The following JMJD6 variants were observed in gnomAD, a reference collection of about 807,000 sequenced individuals.
The protein encoded by JMJD6 is bifunctional arginine demethylase and lysyl-hydroxylase JMJD6.
A neutral mutation model predicts 45.8 loss-of-function variants in JMJD6; 17 were observed. The ratio of observed to expected loss-of-function variants is 0.37; its 90% CI spans 0.25 to 0.56. JMJD6 has a LOEUF of 0.56. JMJD6 is among the 20% of genes least tolerant of loss of function. JMJD6 has a pLI of 0.79. For synonymous variants in JMJD6, 221 were observed against 196.3 expected (o/e 1.13, Z -1.05); for missense variants, 470 against 517.5 (o/e 0.91, Z 0.89).
At chr17:76,722,743 G>C (rs528252729) in intron 3 of JMJD6, among the ~76,000 whole-genome samples, 1 of 150,466 alleles carries the variant, frequency 6.6e-6, no homozygotes, top group Non-Finnish European at 1.5e-5. Flanking sequence ...CTACTTGGGA[G>C]GCTGAGACAA....
rs2076865625 is a variant in JMJD6, at chr17:76,724,155, C to G, written c.519-97G>C. ...TTAGTTTTTCTTTGAGAGTCTTGCT[C>G]TATCACCCAGGCTGGAATGCAGTGG... On this transcript the variant is annotated intron_variant, in intron 2 of 5. Transcript: ENST00000397625. The G allele has an allele frequency of 1.5e-6, 2 of 1,345,484 alleles. 1 individual carries two copies. Among genetic ancestry groups the G allele is most frequent in the South Asian group, 2.7e-5 (2 of 73,944 alleles). The allele number at this position is 1,345,484 out of a possible 1,614,324, so 83.3% of individuals were successfully genotyped here.
chr17:76,719,424 G>T (rs1240634166), intron 5 of JMJD6, among the ~76,000 whole-genome samples: 1 of 152,126 alleles, frequency 6.6e-6, no homozygotes, highest in Non-Finnish European at 1.5e-5. Flanking sequence ...GAGTAGCTGG[G>T]ATTACAGGTG....
chr17:76,718,610 G>A lies in JMJD6; in HGVS notation c.*119C>T, dbSNP rs568896329. The stretch of plus-strand genomic sequence containing the variant: ...GTGAATGGGTTCCCGTGCCGAGGGT[G>A]TCCTCATTCTTGGGCTCTGTCAGGC... On this transcript the variant is annotated 3_prime_UTR_variant, in exon 6 of 6. Transcript: ENST00000397625. 5.2e-4 allele frequency: 771 copies of A among 1,486,332 alleles called. 2 individuals carry two copies. The highest frequency in any genetic ancestry group is 4.9e-4 in the Non-Finnish European group (550 of 1,123,134). The allele number at this position is 1,486,332 out of a possible 1,614,324, so 92.1% of individuals were successfully genotyped here. A position where few individuals can be genotyped will look rare whatever the true frequency, so the allele number is the denominator to read the frequency against.
downstream of JMJD6, chr17:76,716,697 C>T (rs1025271295): frequency 6.2e-7 from 1 of 1,614,088 alleles, no homozygotes; most frequent in African/African-American, 1.3e-5. Context: ...CAGGGGTGAG[C>T]CCGGCCTCCA....
chr17:76,718,823 C>T lies in JMJD6; in HGVS notation c.1118G>A (p.Arg373His), dbSNP rs751792177. 2.2e-5 allele frequency: 36 copies of T among 1,614,090 alleles called. No individual in the cohort carries two copies. Among genetic ancestry groups the T allele is most frequent in the East Asian group, 8.9e-5 (4 of 44,902 alleles). ...GCTGCACGTCCTCCTCTTCTTCCTG[C>T]GGTGCACTGTCCCATCGCCCTCGGA... ...SGSEGDGTVH[R>H]RKKRRTCSMV... The change falls in exon 6 of 6, where the codon CGC becomes CAC. Residue 373 changes from arginine to histidine, a missense_variant. By Grantham distance (29) the Arg-to-His change is conservative. Transcript: ENST00000397625.
downstream of JMJD6, chr17:76,714,510 C>T (rs1447366004): frequency 1.3e-5 from 2 of 152,306 alleles, no homozygotes; most frequent in Non-Finnish European, 2.9e-5. Flanking sequence ...GCCACCACTC[C>T]ACTCCTTTTC....
At chr17:76,713,709 T>C (rs2076744944), downstream of JMJD6, 1 of 152,220 alleles carries the variant, frequency 6.6e-6, no homozygotes, top group Admixed American at 6.5e-5. Flanking sequence ...AAGTCCTAAA[T>C]CCAAGGCTCA....
At chr17:76,722,842 T>C in intron 3 of JMJD6, among the ~76,000 whole-genome samples, 1 of 26,864 alleles carries the variant, frequency 3.7e-5, no homozygotes, top group African/African-American at 1.9e-4. Flanking sequence ...CGAGACTTGG[T>C]CTCAAAAAAA....
intron 5 of JMJD6, among the ~76,000 whole-genome samples, 185 bp downstream of exon 5, chr17:76,720,175 A>G (rs9908134): frequency 0.99 from 151,114 of 152,336 alleles, 74,958 homozygotes; most frequent in East Asian, 1. Context: ...GCACATGTGC[A>G]AAGCTGTAAA....
rs1366225731 is a variant in JMJD6 at position 76,724,036 on chromosome 17, G to T, written c.541C>A (p.Arg181Ser). 6.2e-7 allele frequency: 1 copy of T among 1,614,056 alleles called. No individual in the cohort carries two copies. The highest frequency in any genetic ancestry group is 1.7e-5 in the Admixed American group (1 of 60,016). ...TCGATGTGAATCCCAGTTCCGGAGC[G>T]TGGTGGCCCCATCACAAACCACCTA... Reference protein sequence around the residue: ...PYRWFVMGPPRSGTGIHIDPL... With the variant: ...PYRWFVMGPPSSGTGIHIDPL... The change falls in exon 3 of 6, where the codon CGC becomes AGC. Residue 181 changes from arginine to serine, a missense_variant. Coordinates refer to ENST00000397625, the MANE Select transcript of JMJD6 (RefSeq NM_015167.3).
At chr17:76,725,406 C>CAA (rs36106744) in intron 2 of JMJD6, 61 bp downstream of exon 2, 153,452 of 932,150 alleles carry the variant, frequency 0.16, 913 homozygotes, top group African/African-American at 0.19. Context: ...CGCTCTGTCT[C>CAA]AAAAAAAAAA....
chr17:76,717,210 A>T (rs538613819), downstream of JMJD6, among the ~76,000 whole-genome samples: 1 of 152,284 alleles, frequency 6.6e-6, no homozygotes, highest in South Asian at 2.1e-4. Context: ...GTCAGTATTA[A>T]AACATGTATA....
At chr17:76,725,378 C>G (rs750389166) in intron 2 of JMJD6, 89 bp downstream of exon 2, 23 of 1,287,768 alleles carry the variant, frequency 1.8e-5, no homozygotes, top group Non-Finnish European at 2.4e-5. Flanking sequence ...GGCACTGCAG[C>G]CTGGGCTACA....
At position 76,723,901 on chromosome 17, in the gene JMJD6, C is replaced by T. The variant is rs377330827; in HGVS notation, c.676G>A (p.Gly226Arg). The change falls in exon 3 of 6, where the codon GGG becomes AGG. Residue 226 changes from glycine (G) to arginine (R), a missense_variant. Physicochemically the swap from Gly to Arg is moderately radical, Grantham distance 125. Around this residue, in one of 4 missense-constraint regions of JMJD6, gnomAD observed 346 missense variants for 339.5 expected, o/e 1.02. Coordinates refer to ENST00000397625, the MANE Select transcript of JMJD6 (RefSeq NM_015167.3). ...ELIKVTRDEG[G>R]NQQDEAITWF... is the part of the protein sequence containing the mutation. ...GTAATAGCTTCGTCTTGCTGGTTCCCTCCTTCGTCTCGGGTCACTTTGATG... is the reference window on the plus strand; with the variant it reads ...GTAATAGCTTCGTCTTGCTGGTTCCTTCCTTCGTCTCGGGTCACTTTGATG... 1.9e-6 allele frequency: 3 copies of T among 1,613,988 alleles called. No homozygotes were observed. Among genetic ancestry groups the T allele is most frequent in the African/African-American group, 1.3e-5 (1 of 74,878 alleles).
At chr17:76,724,112 A>C (rs1327356777) in intron 2 of JMJD6, 54 bp from the exon 3 acceptor site, 1 of 1,565,754 alleles carries the variant, frequency 6.4e-7, no homozygotes, top group Admixed American at 1.8e-5. Flanking sequence ...CACACATACC[A>C]CACAAAACAA....
Position 76,726,378 on chromosome 17 carries a change from T to C in JMJD6, c.98A>G (p.Glu33Gly). Reference sequence around the variant, plus strand: ...GGCCGCCGGGCTCAGCGAGAAGCTCTCGTAGTAGTTGTGCCGGGTCCAATC... The same window carrying C: ...GGCCGCCGGGCTCAGCGAGAAGCTCCCGTAGTAGTTGTGCCGGGTCCAATC... ...SLDWTRHNYY[E>G]SFSLSPAAVA... The change falls in exon 1 of 6, where the codon GAG becomes GGG. Residue 33 changes from glutamate to glycine, a missense_variant. Glu to Gly is a moderately conservative substitution (Grantham distance 98). Transcript: ENST00000397625. 1 of 1,601,194 alleles carries C rather than the reference T, an allele frequency of 6.2e-7. No individual in the cohort carries two copies. The highest frequency in any genetic ancestry group is 1.4e-5 in the African/African-American group (1 of 73,216).
rs748941437 is a variant in JMJD6 at position 76,724,031 on chromosome 17, G to T, written c.546C>A (p.Ser182=). 6 of 1,613,962 alleles carry T rather than the reference G, an allele frequency of 3.7e-6. No homozygotes were observed. The highest frequency in any genetic ancestry group is 2.7e-5 in the African/African-American group (2 of 74,878). The stretch of plus-strand genomic sequence containing the variant: ...GAGGGTCGATGTGAATCCCAGTTCC[G>T]GAGCGTGGTGGCCCCATCACAAACC... ...YRWFVMGPPR[S]GTGIHIDPLG... The change falls in exon 3 of 6, where the codon TCC becomes TCA. Residue 182 remains serine, a synonymous_variant. Coordinates refer to ENST00000397625, the MANE Select transcript of JMJD6 (RefSeq NM_015167.3).
intron 4 of JMJD6, 42 bp downstream of exon 4, chr17:76,721,756 G>T: frequency 6.2e-7 from 1 of 1,602,782 alleles, no homozygotes; most frequent in Non-Finnish European, 8.5e-7. Flanking sequence ...CTCTGGGGTC[G>T]AAATTGAAAC....
chr17:76,721,595 C>T (rs534956274), intron 4 of JMJD6, among the ~76,000 whole-genome samples: 1 of 152,288 alleles, frequency 6.6e-6, no homozygotes, highest in East Asian at 1.9e-4. Context: ...TGCAGAGTCT[C>T]ACCCTGCCAC....
Sources: gnomAD v4.1 joint callset for allele counts (sites outside exome capture counted in the v4.1 genomes callset) on GRCh38, gnomAD v4.1.1 for gene constraint, gnomAD v4.1.1 regional missense constraint, MANE v1.5 for transcripts, NCBI Gene and HGNC (gene_info 2026-07-23, HGNC 2026-07-21) for gene names.